The following ELAVL4 variants were observed in gnomAD, a reference collection of about 807,000 sequenced individuals.
ELAVL4 encodes the protein ELAV like RNA binding protein 4.
ELAVL4 carries 1 observed loss-of-function variant against 35.6 expected under a neutral mutation model. That is an observed-to-expected ratio of 0.03 (90% CI 0.01 to 0.13). ELAVL4 has a LOEUF of 0.13. Among genes scored for constraint, ELAVL4 ranks in the 10% least tolerant of loss-of-function variants. ELAVL4 has a pLI of 1.00. For missense variants in ELAVL4, 267 were observed against 464.9 expected, an observed-to-expected ratio of 0.57 and a Z score of 3.91; for synonymous variants, 156 against 171.0, an observed-to-expected ratio of 0.91 and a Z score of 0.69.
intron 1 of ELAVL4, among the ~76,000 whole-genome samples, chr1:50,079,623 T>C (rs926365185): frequency 6.6e-6 from 1 of 152,128 alleles, no homozygotes; most frequent in Admixed American, 6.5e-5. Context: ...TAAACTAAAG[T>C]TATTCTGTTT....
chr1:50,199,646 T>C (rs936467161), intron 6 of ELAVL4, among the ~76,000 whole-genome samples: 10 of 149,784 alleles, frequency 6.7e-5, no homozygotes, highest in Non-Finnish European at 1.3e-4. Flanking sequence ...AGGCAGAGGT[T>C]ACAATGAGCC....
chr1:50,118,998 CAGAG>C (rs1400932889), intron 1 of ELAVL4, among the ~76,000 whole-genome samples: 1 of 76,232 alleles, frequency 1.3e-5, no homozygotes, highest in Non-Finnish European at 2.7e-5. Context: ...GAGAGAGAGA[CAGAG>C]AGAAAGAAAG....
At position 50,203,693 on chromosome 1, in the gene ELAVL4, T is replaced by G. The variant is rs927058742; in HGVS notation, c.*2515T>G. 6.6e-6 allele frequency: 1 copy of G among 151,092 alleles called. No homozygotes were observed. Among genetic ancestry groups the G allele is most frequent in the Non-Finnish European group, 1.5e-5 (1 of 67,652 alleles). The allele number at this position is 151,092 out of a possible 1,614,324, so 9.4% of individuals were successfully genotyped here. A position where few individuals can be genotyped will look rare whatever the true frequency, so the allele number is the denominator to read the frequency against. On this transcript the variant is annotated 3_prime_UTR_variant, in exon 7 of 7. Transcript: ENST00000371824. ...TTTCCAAGGGAAAGTATTGTAAATG[T>G]TTTTTTTTCATAATCTTGTTGTGTT...
intron 2 of ELAVL4, among the ~76,000 whole-genome samples, chr1:50,150,465 GT>G (rs1257450122): frequency 6.6e-6 from 1 of 152,184 alleles, no homozygotes; most frequent in Non-Finnish European, 1.5e-5. Flanking sequence ...GGTAACTTGT[GT>G]TCTTTCTTGA....
chr1:50,166,271 A>C (rs1200279517), intron 2 of ELAVL4, among the ~76,000 whole-genome samples: 1 of 152,124 alleles, frequency 6.6e-6, no homozygotes, highest in African/African-American at 2.4e-5. Context: ...TCTTCAAATA[A>C]AGGTAGTAAT....
chr1:50,092,068 C>T (rs1221844381), intron 1 of ELAVL4, among the ~76,000 whole-genome samples: 1 of 152,168 alleles, frequency 6.6e-6, no homozygotes, highest in African/African-American at 2.4e-5. Context: ...CAAACTGTAC[C>T]AGGCATTGTG....
intron 1 of ELAVL4, among the ~76,000 whole-genome samples, chr1:50,114,011 A>G (rs1390885467): frequency 1.3e-5 from 2 of 152,158 alleles, no homozygotes; most frequent in South Asian, 2.1e-4. Context: ...TGACTCCAAG[A>G]GTTCTCATAT....
intron 2 of ELAVL4, among the ~76,000 whole-genome samples, chr1:50,163,843 C>G (rs1677240017): frequency 6.6e-6 from 1 of 152,092 alleles, no homozygotes; most frequent in Non-Finnish European, 1.5e-5. Flanking sequence ...ACAACCCAAA[C>G]AAACAACCGC....
At chr1:50,188,982 A>G (rs190298253) in intron 3 of ELAVL4, among the ~76,000 whole-genome samples, 51 of 152,306 alleles carry the variant, frequency 3.3e-4, no homozygotes, top group African/African-American at 1.2e-3. Context: ...GGATTCGTGA[A>G]GCAGAGACAT....
At chr1:50,198,562 T>A (rs911603667) in intron 6 of ELAVL4, among the ~76,000 whole-genome samples, 5 of 152,192 alleles carry the variant, frequency 3.3e-5, no homozygotes, top group Admixed American at 1.3e-4. Context: ...AATCCCAGCA[T>A]CAATGAGGAT....
chr1:50,119,060 G>GA lies in ELAVL4; in HGVS notation c.9+9865dup, dbSNP rs1415425597. 3.0e-5 allele frequency among the ~76,000 whole-genome samples: 4 copies of GA among 133,234 alleles called. No homozygotes were observed. The East Asian group carries it at 9.5e-4, about 32-fold the overall frequency. 87.4% of individuals were successfully genotyped at this position (133,234 alleles called of 152,430 possible). ...AAAAAGAAAGAAAGAAAGAAAGAAAGAAAGAAAGAAAGAAAGAAAGAAAGA... is the reference window on the plus strand; with the variant it reads ...AAAAAGAAAGAAAGAAAGAAAGAAAGAAAAGAAAGAAAGAAAGAAAGAAAGA... On this transcript the variant is annotated intron_variant, in intron 1 of 6. Transcript: ENST00000371824.
intron 1 of ELAVL4, among the ~76,000 whole-genome samples, chr1:50,059,253 A>G (rs1343957580): frequency 2.0e-5 from 3 of 152,212 alleles, no homozygotes; most frequent in Non-Finnish European, 4.4e-5. Context: ...AAAAAATACT[A>G]CACTAAAACT....
exon 1 of ELAVL4, chr1:50,048,112 G>GCTCCGCCCCACCCAGC: frequency 6.8e-7 from 1 of 1,470,788 alleles, no homozygotes; most frequent in Non-Finnish European, 9.0e-7. Context: ...CGCCCGCCGC[G>GCTCCGCCCCACCCAGC]CTCCGCCCCA....
chr1:50,151,487 A>G (rs997498150), intron 2 of ELAVL4, among the ~76,000 whole-genome samples: 6 of 152,190 alleles, frequency 3.9e-5, no homozygotes, highest in Admixed American at 3.9e-4. Context: ...TTGTGCAGGC[A>G]CTGTATTGAA....
At chr1:50,058,720 C>T (rs571627320) in intron 1 of ELAVL4, among the ~76,000 whole-genome samples, 74 of 151,846 alleles carry the variant, frequency 4.9e-4, no homozygotes, top group Admixed American at 1.3e-3. Flanking sequence ...CTCAGGTAAT[C>T]CTTCCACCTC....
intron 1 of ELAVL4, among the ~76,000 whole-genome samples, chr1:50,139,693 G>A (rs1394892160): frequency 6.6e-6 from 1 of 152,188 alleles, no homozygotes; most frequent in Non-Finnish European, 1.5e-5. Context: ...TGTTGAGAGA[G>A]GTGCCAGAAG....
chr1:50,188,255 C>T (rs577140622), intron 3 of ELAVL4, among the ~76,000 whole-genome samples: 1 of 152,170 alleles, frequency 6.6e-6, no homozygotes, highest in Non-Finnish European at 1.5e-5. Flanking sequence ...AAGCAGATTT[C>T]AGGAATATAA....
In ELAVL4 at chr1:50,163,567, C is replaced by A. The variant is rs1201031188; in HGVS notation, c.251-13522C>A. On this transcript the variant is annotated intron_variant, in intron 2 of 6. Transcript: ENST00000371824. ...TCTCGCCGGGTGCAGTGGCTCACGCCTGTAATACCAGCACTTTGGGAGGTC... is the reference window on the plus strand; with the variant it reads ...TCTCGCCGGGTGCAGTGGCTCACGCATGTAATACCAGCACTTTGGGAGGTC... Among the ~76,000 whole-genome samples, 4 of 152,150 alleles carry A rather than the reference C, an allele frequency of 2.6e-5. No homozygotes were observed. In the East Asian group the frequency reaches 7.7e-4, roughly 29 times the overall value.
At chr1:50,106,208 T>C (rs1666291982), upstream of ELAVL4, 3 of 1,072,320 alleles carry the variant, frequency 2.8e-6, no homozygotes, top group East Asian at 2.5e-5. Context: ...TAGGTAGTTA[T>C]TAACGCTGAA....
Sources: gnomAD v4.1 joint callset for allele counts (sites outside exome capture counted in the v4.1 genomes callset) on GRCh38, gnomAD v4.1.1 for gene constraint, MANE v1.5 for transcripts, NCBI Gene and HGNC (gene_info 2026-07-23, HGNC 2026-07-21) for gene names.